KCNIP1: variants seen among roughly 807,000 people sequenced by gnomAD.
KCNIP1 encodes the protein A-type potassium channel modulatory protein KCNIP1.
In KCNIP1, 18 loss-of-function variants were observed where a neutral mutation model predicts 33.0. That is an observed-to-expected ratio of 0.55 (90% confidence interval 0.38 to 0.81). KCNIP1 has a LOEUF of 0.81. Ranked by LOEUF, KCNIP1 falls within the 30% of genes least tolerant of loss-of-function variation. The probability of loss-of-function intolerance (pLI) is 0.00; values close to 1 mark genes in which losing one functional copy is unlikely to be tolerated. For synonymous variants in KCNIP1, 93 were observed against 98.3 expected, an observed-to-expected ratio of 0.95 and a Z score of 0.32; for missense variants, 238 against 271.6, an observed-to-expected ratio of 0.88 and a Z score of 0.87.
At chr5:170,499,200 G>C (rs187791098), upstream of KCNIP1, among the ~76,000 whole-genome samples, 21 of 152,300 alleles carry the variant, frequency 1.4e-4, no homozygotes, top group Admixed American at 3.3e-4. Context: ...ACTAATCTGA[G>C]TCTTTTAATA....
chr5:170,719,836 G>A (rs1420203397), intron 2 of KCNIP1, among the ~76,000 whole-genome samples: 1 of 152,158 alleles, frequency 6.6e-6, no homozygotes, highest in East Asian at 1.9e-4. Context: ...CAGCCGAGTT[G>A]GAGAAGGATC....
intron 2 of KCNIP1, among the ~76,000 whole-genome samples, chr5:170,719,483 CA>C: frequency 6.6e-6 from 1 of 152,314 alleles, no homozygotes; most frequent in East Asian, 1.9e-4. Context: ...CTCTCAGATA[CA>C]ATCCTGGATA....
intron 1 of KCNIP1, among the ~76,000 whole-genome samples, chr5:170,642,856 A>G (rs543513042): frequency 6.6e-6 from 1 of 152,332 alleles, no homozygotes; most frequent in East Asian, 1.9e-4. Flanking sequence ...GCCCTTTTGC[A>G]ATTGGGATTA....
intron 1 of KCNIP1, chr5:170,374,532 T>A (rs1481782951): frequency 6.6e-6 from 1 of 152,260 alleles, no homozygotes; most frequent in African/African-American, 2.4e-5. Flanking sequence ...GGAGCTCAGG[T>A]GGCCCCTTGC....
intron 1 of KCNIP1, among the ~76,000 whole-genome samples, chr5:170,584,319 A>T (rs1232243612): frequency 6.6e-6 from 1 of 152,190 alleles, no homozygotes; most frequent in African/African-American, 2.4e-5. Context: ...TGCTTCCTTA[A>T]TGTAGGCTTA....
chr5:170,584,713 T>C (rs1198017154), intron 1 of KCNIP1, among the ~76,000 whole-genome samples: 1 of 152,190 alleles, frequency 6.6e-6, no homozygotes, highest in Non-Finnish European at 1.5e-5. Flanking sequence ...CAGAGGGGAC[T>C]CTTTTCCCCA....
At chr5:170,420,159 C>T (rs1755444454) in intron 1 of KCNIP1, among the ~76,000 whole-genome samples, 1 of 152,100 alleles carries the variant, frequency 6.6e-6, no homozygotes, top group African/African-American at 2.4e-5. Flanking sequence ...GAGGCTTGAA[C>T]AACACAGGTT....
intron 1 of KCNIP1, among the ~76,000 whole-genome samples, chr5:170,560,378 G>C (rs182183403): frequency 3.9e-4 from 59 of 152,322 alleles, no homozygotes; most frequent in African/African-American, 1.3e-3. Context: ...CAGCCAGAAT[G>C]TCTTGACAGG....
intron 1 of KCNIP1, among the ~76,000 whole-genome samples, chr5:170,473,062 T>C (rs1756772650): frequency 6.6e-6 from 1 of 152,218 alleles, no homozygotes; most frequent in Non-Finnish European, 1.5e-5. Context: ...TGTAGAAGTG[T>C]TCCCTGTTCA....
At chr5:170,466,502 T>C (rs955433231) in intron 1 of KCNIP1, among the ~76,000 whole-genome samples, 2 of 152,134 alleles carry the variant, frequency 1.3e-5, no homozygotes, top group South Asian at 4.1e-4. Context: ...GTAAAGGATC[T>C]AGGGCCAAGG....
chr5:170,573,335 C>A (rs527707470), intron 1 of KCNIP1, among the ~76,000 whole-genome samples: 1 of 152,288 alleles, frequency 6.6e-6, no homozygotes, highest in South Asian at 2.1e-4. Context: ...AATCTCTTGC[C>A]TGGGGCCCAA....
chr5:170,358,053 C>T (rs993731715), intron 1 of KCNIP1, among the ~76,000 whole-genome samples: 1 of 152,192 alleles, frequency 6.6e-6, no homozygotes, highest in Non-Finnish European at 1.5e-5. Context: ...GCACAGTCAG[C>T]TCCCCTCCAC....
intron 1 of KCNIP1, among the ~76,000 whole-genome samples, chr5:170,601,724 G>A (rs1210510526): frequency 6.6e-6 from 1 of 152,166 alleles, no homozygotes; most frequent in Non-Finnish European, 1.5e-5. Context: ...TCCCATTCCT[G>A]TGCTCAGGAA....
At chr5:170,451,409 T>G (rs1248027842) in intron 1 of KCNIP1, among the ~76,000 whole-genome samples, 1 of 152,072 alleles carries the variant, frequency 6.6e-6, no homozygotes, top group Non-Finnish European at 1.5e-5. Context: ...CCCCATCCTT[T>G]TGTAAGTTCT....
intron 1 of KCNIP1, among the ~76,000 whole-genome samples, chr5:170,657,000 T>C (rs570327659): frequency 2.8e-5 from 4 of 144,070 alleles, no homozygotes; most frequent in East Asian, 2.0e-4. Flanking sequence ...TTCTTTCTTT[T>C]TTTTTTTTTT....
chr5:170,728,477 G>T (rs897031789), intron 5 of KCNIP1, among the ~76,000 whole-genome samples: 1 of 152,156 alleles, frequency 6.6e-6, no homozygotes, highest in Non-Finnish European at 1.5e-5. Context: ...CTTTTAAAAA[G>T]CTGGCAAAGT....
At chr5:170,476,098 C>A (rs943102881) in intron 1 of KCNIP1, among the ~76,000 whole-genome samples, 4 of 152,020 alleles carry the variant, frequency 2.6e-5, no homozygotes, top group Non-Finnish European at 5.9e-5. Context: ...AGCCTCCTGA[C>A]TAGCTGTGAC....
intron 1 of KCNIP1, among the ~76,000 whole-genome samples, chr5:170,629,757 C>T (rs542234615): frequency 1.5e-4 from 23 of 152,274 alleles, no homozygotes; most frequent in African/African-American, 4.3e-4. Flanking sequence ...ATCCCCAGCA[C>T]GCAGCATCTA....
At chr5:170,676,420 C>T (rs75444782) in intron 1 of KCNIP1, among the ~76,000 whole-genome samples, 3,040 of 152,262 alleles carry the variant, frequency 0.02, 46 homozygotes, top group Non-Finnish European at 0.032. Context: ...TGAACCATAA[C>T]CATCTTGCAG....
Sources: allele counts gnomAD v4.1 joint callset (sites outside exome capture counted in the v4.1 genomes callset), GRCh38; gene constraint gnomAD v4.1.1; transcripts MANE v1.5; gene names NCBI Gene and HGNC (gene_info 2026-07-23, HGNC 2026-07-21).